The following ST8SIA5 variants were observed in gnomAD, a reference collection of about 807,000 sequenced individuals.
ST8SIA5 encodes the protein ST8 alpha-N-acetyl-neuraminide alpha-2,8-sialyltransferase 5.
In ST8SIA5, 24 loss-of-function variants were observed where a neutral mutation model predicts 40.2. The observed-to-expected ratio is 0.60, with a 90% CI of 0.43 to 0.84. The LOEUF is 0.84. ST8SIA5 is among the 40% of genes least tolerant of loss of function. The pLI is 0.00. For missense variants in ST8SIA5, 465 were observed against 498.5 expected, an observed-to-expected ratio of 0.93 and a Z score of 0.64; for synonymous variants, 198 against 201.8, an observed-to-expected ratio of 0.98 and a Z score of 0.16.
intron 1 of ST8SIA5, among the ~76,000 whole-genome samples, chr18:46,755,415 G>A (rs1037739167): frequency 1.3e-5 from 2 of 152,174 alleles, no homozygotes; most frequent in African/African-American, 4.8e-5. Context: ...GGAGACACTA[G>A]CAGCAAACTA....
chr18:46,673,125 T>C lies in ST8SIA5; in HGVS notation c.*6917A>G, dbSNP rs1034395727. ...GGTTTAAAGTTTTCATTTTGCAAGA[T>C]GAGAAGAGTTCCAGAGACAGAATAT... is the stretch of plus-strand genomic sequence containing the variant. On this transcript the variant is annotated 3_prime_UTR_variant, in exon 7 of 7. Coordinates refer to ENST00000315087, the MANE Select transcript of ST8SIA5 (RefSeq NM_013305.6). The C allele has an allele frequency of 2.0e-5, 3 of 152,154 alleles. No individual in the cohort carries two copies. Among genetic ancestry groups the C allele is most frequent in the Non-Finnish European group, 4.4e-5 (3 of 68,038 alleles). 9.4% of individuals were successfully genotyped at this position (152,154 alleles called of 1,614,324 possible).
intron 1 of ST8SIA5, among the ~76,000 whole-genome samples, chr18:46,746,240 T>C (rs1001522869): frequency 2.0e-5 from 3 of 152,058 alleles, no homozygotes; most frequent in African/African-American, 7.2e-5. Flanking sequence ...GAGAAAGAAA[T>C]AAAGGGTATT....
intron 1 of ST8SIA5, among the ~76,000 whole-genome samples, chr18:46,721,110 C>T (rs1465436359): frequency 6.6e-6 from 1 of 152,154 alleles, no homozygotes; most frequent in Non-Finnish European, 1.5e-5. Flanking sequence ...GACCAAGACT[C>T]CCCACCCTAC....
At chr18:46,720,831 T>A (rs1347680935) in intron 1 of ST8SIA5, among the ~76,000 whole-genome samples, 2 of 151,978 alleles carry the variant, frequency 1.3e-5, no homozygotes, top group Non-Finnish European at 2.9e-5. Flanking sequence ...ATATTACTGA[T>A]CAAGAGGAAA....
intron 5 of ST8SIA5, among the ~76,000 whole-genome samples, chr18:46,682,735 T>G (rs968467652): frequency 8.5e-5 from 13 of 152,274 alleles, no homozygotes; most frequent in African/African-American, 1.4e-4. Flanking sequence ...GGGAGTCCAG[T>G]GTCATCACAA....
At chr18:46,698,896 A>G (rs1361993884) in intron 2 of ST8SIA5, among the ~76,000 whole-genome samples, 1 of 152,234 alleles carries the variant, frequency 6.6e-6, no homozygotes, top group Admixed American at 6.5e-5. Flanking sequence ...AAACAAGGGG[A>G]AAAAGATGGC....
intron 1 of ST8SIA5, among the ~76,000 whole-genome samples, chr18:46,719,121 G>C (rs1486304940): frequency 6.6e-6 from 1 of 152,204 alleles, no homozygotes; most frequent in Non-Finnish European, 1.5e-5. Context: ...AATGTGGGAG[G>C]TGTGGTCATG....
chr18:46,717,050 A>G (rs1473811004), intron 1 of ST8SIA5, among the ~76,000 whole-genome samples: 2 of 152,190 alleles, frequency 1.3e-5, no homozygotes, highest in African/African-American at 4.8e-5. Context: ...TGTCCCTGTG[A>G]CTGAAGTGGG....
intron 1 of ST8SIA5, among the ~76,000 whole-genome samples, chr18:46,742,959 T>C (rs941030105): frequency 6.6e-6 from 1 of 152,168 alleles, no homozygotes; most frequent in Non-Finnish European, 1.5e-5. Flanking sequence ...GAAACTCCAA[T>C]AGACCTGCAG....
intron 1 of ST8SIA5, among the ~76,000 whole-genome samples, chr18:46,707,113 A>G (rs879695407): frequency 2.0e-5 from 3 of 152,206 alleles, no homozygotes; most frequent in Non-Finnish European, 4.4e-5. Flanking sequence ...TTCCAGTCAC[A>G]CAACAGTGAG....
At chr18:46,748,140 C>G (rs1030551533) in intron 1 of ST8SIA5, among the ~76,000 whole-genome samples, 1 of 152,102 alleles carries the variant, frequency 6.6e-6, no homozygotes, top group African/African-American at 2.4e-5. Flanking sequence ...TTGATGGGTG[C>G]AGCAAACCAA....
In ST8SIA5 at chr18:46,679,600, C is replaced by T. The variant is rs1283981706; in HGVS notation, c.*442G>A. On this transcript the variant is annotated 3_prime_UTR_variant, in exon 7 of 7. Coordinates refer to ENST00000315087, the MANE Select transcript of ST8SIA5 (RefSeq NM_013305.6). ...ACCAAAAGTGTGAATAAAATCTTGA[C>T]TGTGCTCAAGTGTCCTGTGAAGTGT... The T allele has an allele frequency of 5.6e-6, 1 of 179,544 alleles. No individual in the cohort carries two copies. Among genetic ancestry groups the T allele is most frequent in the Non-Finnish European group, 1.2e-5 (1 of 84,056 alleles). 11.1% of individuals were successfully genotyped at this position (179,544 alleles called of 1,614,324 possible).
intron 1 of ST8SIA5, among the ~76,000 whole-genome samples, chr18:46,735,376 C>A (rs188340033): frequency 6.6e-6 from 1 of 152,104 alleles, no homozygotes; most frequent in African/African-American, 2.4e-5. Flanking sequence ...TCTAGAGAAC[C>A]CTGACTAATA....
chr18:46,755,539 G>C (rs1342274178), intron 1 of ST8SIA5, among the ~76,000 whole-genome samples: 1 of 152,268 alleles, frequency 6.6e-6, no homozygotes, highest in South Asian at 2.1e-4. Flanking sequence ...GGAACCCCAA[G>C]TGTTTCCTTA....
intron 1 of ST8SIA5, among the ~76,000 whole-genome samples, chr18:46,716,778 C>A (rs540389516): frequency 1.3e-5 from 2 of 152,374 alleles, no homozygotes; most frequent in Admixed American, 1.3e-4. Flanking sequence ...CCAGAGGGTC[C>A]TCTGTGTGTG....
At chr18:46,688,702 G>A (rs2039472342) in intron 4 of ST8SIA5, 73 bp downstream of exon 4, 1 of 1,543,560 alleles carries the variant, frequency 6.5e-7, no homozygotes, top group African/African-American at 1.4e-5. Context: ...AAACCCCAGG[G>A]ACATTGCCAC....
intron 1 of ST8SIA5, among the ~76,000 whole-genome samples, chr18:46,740,489 C>G (rs4121822): frequency 0.073 from 11,123 of 151,626 alleles, 748 homozygotes; most frequent in East Asian, 0.32. Context: ...TAAGTATGTG[C>G]TAGTTACAAC....
intron 2 of ST8SIA5, among the ~76,000 whole-genome samples, chr18:46,694,160 A>T (rs1353359816): frequency 6.6e-6 from 1 of 152,224 alleles, no homozygotes; most frequent in Non-Finnish European, 1.5e-5. Context: ...GGAGCACAAG[A>T]CACATTATAC....
rs182069189 is a variant in ST8SIA5 at position 46,692,313 on chromosome 18, A to G, written c.225-58T>C. 3.4e-5 allele frequency: 52 copies of G among 1,507,412 alleles called. No individual in the cohort carries two copies. In the African/African-American group the frequency reaches 6.3e-4, roughly 18 times the overall value. 93.4% of individuals were successfully genotyped at this position (1,507,412 alleles called of 1,614,324 possible). On this transcript the variant is annotated intron_variant, in intron 2 of 6. Coordinates refer to ENST00000315087, the MANE Select transcript of ST8SIA5 (RefSeq NM_013305.6). ...AGGGTAGGCGGGACAGAGCGCGATCATTCCCAGAAATGCTCCCTCCTGATC... is the reference window on the plus strand; with the variant it reads ...AGGGTAGGCGGGACAGAGCGCGATCGTTCCCAGAAATGCTCCCTCCTGATC...
Sources: allele counts gnomAD v4.1 joint callset (sites outside exome capture counted in the v4.1 genomes callset), GRCh38; gene constraint gnomAD v4.1.1; transcripts MANE v1.5; gene names NCBI Gene and HGNC (gene_info 2026-07-23, HGNC 2026-07-21).